Variants in CCSER1 observed in about 807,000 individuals in gnomAD.
CCSER1 encodes coiled-coil serine rich protein 1, also known as serine-rich coiled-coil domain-containing protein 1.
A neutral mutation model predicts 82.0 loss-of-function variants in CCSER1; 41 were observed. The ratio of observed to expected loss-of-function variants is 0.50; its 90% confidence interval spans 0.39 to 0.65. CCSER1 has a LOEUF of 0.65. CCSER1 is among the 30% of genes least tolerant of loss of function. CCSER1 has a pLI of 0.00. For synonymous variants in CCSER1, 414 were observed against 383.9 expected (o/e 1.08, Z -0.92); for missense variants, 1,119 against 1,064.2 (o/e 1.05, Z -0.72).
At chr4:91,279,335 AT>A (rs535760730) in intron 10 of CCSER1, among the ~76,000 whole-genome samples, 300 of 152,134 alleles carry the variant, frequency 2.0e-3, no homozygotes, top group South Asian at 3.5e-3. Flanking sequence ...TGTGTTTTGT[AT>A]TCCTTTTATT....
chr4:90,932,781 T>G (rs1294590563), intron 9 of CCSER1, among the ~76,000 whole-genome samples: 1 of 140,438 alleles, frequency 7.1e-6, no homozygotes, highest in Non-Finnish European at 1.5e-5. Context: ...TGAGCCGAGA[T>G]TGTGCCACTG....
intron 10 of CCSER1, among the ~76,000 whole-genome samples, chr4:91,402,230 T>C (rs1560642837): frequency 6.6e-6 from 1 of 152,144 alleles, no homozygotes; most frequent in Non-Finnish European, 1.5e-5. Flanking sequence ...CTTTGCCCAG[T>C]TTTTGATGGG....
At chr4:90,453,635 C>T (rs1761783419) in intron 4 of CCSER1, among the ~76,000 whole-genome samples, 1 of 152,112 alleles carries the variant, frequency 6.6e-6, no homozygotes, top group African/African-American at 2.4e-5. Context: ...TGTCCTGGAG[C>T]CATAAAGATA....
chr4:90,558,988 T>G (rs569194660), intron 5 of CCSER1, among the ~76,000 whole-genome samples: 1 of 152,272 alleles, frequency 6.6e-6, no homozygotes, highest in East Asian at 1.9e-4. Context: ...AGGTCTGCTG[T>G]AAGCAATTTT....
At chr4:91,145,660 T>G (rs553117173) in intron 10 of CCSER1, among the ~76,000 whole-genome samples, 1 of 152,276 alleles carries the variant, frequency 6.6e-6, no homozygotes, top group East Asian at 1.9e-4. Flanking sequence ...TAATAGACTC[T>G]CTTATTGCTT....
chr4:90,591,209 A>G (rs550549791), intron 5 of CCSER1, among the ~76,000 whole-genome samples: 2 of 152,208 alleles, frequency 1.3e-5, no homozygotes, highest in East Asian at 3.9e-4. Flanking sequence ...GGGTTTTCTA[A>G]ATATCCAATC....
At chr4:90,891,037 TG>T (rs1722887959) in intron 8 of CCSER1, among the ~76,000 whole-genome samples, 1 of 152,258 alleles carries the variant, frequency 6.6e-6, no homozygotes, top group South Asian at 2.1e-4. Context: ...TGTAGATTCT[TG>T]GCATCTGTGA....
chr4:91,061,832 C>T (rs150964896), intron 9 of CCSER1, among the ~76,000 whole-genome samples: 35 of 151,948 alleles, frequency 2.3e-4, no homozygotes, highest in Admixed American at 1.6e-3. Flanking sequence ...ACAGCATAGA[C>T]AAGTCCCTAG....
intron 5 of CCSER1, among the ~76,000 whole-genome samples, chr4:90,502,341 G>A (rs1170421745): frequency 2.6e-5 from 4 of 152,098 alleles, no homozygotes; most frequent in Non-Finnish European, 5.9e-5. Context: ...TAAACAATCA[G>A]ATCTCTTGAG....
At chr4:90,893,781 G>T (rs1424980761) in intron 8 of CCSER1, among the ~76,000 whole-genome samples, 1 of 125,854 alleles carries the variant, frequency 7.9e-6, no homozygotes, top group African/African-American at 2.9e-5. Flanking sequence ...GTGTGCGTGT[G>T]TGTGTGTGTG....
intron 6 of CCSER1, among the ~76,000 whole-genome samples, chr4:90,665,691 G>A (rs1324260051): frequency 6.6e-6 from 1 of 152,174 alleles, no homozygotes; most frequent in Non-Finnish European, 1.5e-5. Context: ...AAGGCACTGA[G>A]GCAAGAGTTT....
intron 10 of CCSER1, among the ~76,000 whole-genome samples, chr4:91,445,938 G>A (rs998665921): frequency 6.6e-6 from 1 of 151,884 alleles, no homozygotes; most frequent in African/African-American, 2.4e-5. Context: ...ATTTAGAATA[G>A]AATTGATTCT....
rs543664842 is a variant in CCSER1 at position 90,452,185 on chromosome 4, C to A, written c.1604-16049C>A. ...GGAACTTCTGTCTGTAATGAGAGTC[C>A]AGTCCAGGTTCTCTAAGGGGGTTTT... On this transcript the variant is annotated intron_variant, in intron 4 of 10. Coordinates refer to ENST00000509176, the MANE Select transcript of CCSER1 (RefSeq NM_001145065.2). Among the ~76,000 whole-genome samples the A allele has an allele frequency of 8.7e-4, 132 of 152,212 alleles. 2 individuals carry two copies. In the South Asian group the frequency reaches 0.025, roughly 29 times the overall value.
At chr4:90,403,768 T>C (rs1316930430) in intron 4 of CCSER1, among the ~76,000 whole-genome samples, 1 of 152,182 alleles carries the variant, frequency 6.6e-6, no homozygotes, top group East Asian at 1.9e-4. Context: ...TATGGTAGTT[T>C]ATAGTAGGGC....
intron 7 of CCSER1, among the ~76,000 whole-genome samples, chr4:90,803,339 T>A (rs1167810334): frequency 6.6e-6 from 1 of 151,760 alleles, no homozygotes; most frequent in East Asian, 1.9e-4. Flanking sequence ...TTTAGGTATT[T>A]CTCTAATGTT....
At chr4:91,425,399 A>C (rs1753911468) in intron 10 of CCSER1, among the ~76,000 whole-genome samples, 1 of 152,150 alleles carries the variant, frequency 6.6e-6, no homozygotes, top group African/African-American at 2.4e-5. Context: ...GAATATTATA[A>C]TTACACGTTC....
intron 8 of CCSER1, among the ~76,000 whole-genome samples, chr4:90,892,679 A>G (rs1723127651): frequency 6.6e-6 from 1 of 152,024 alleles, no homozygotes; most frequent in African/African-American, 2.4e-5. Context: ...GGTGTTTAAC[A>G]GTTATGTAGG....
chr4:90,883,762 C>T (rs1264883342), intron 8 of CCSER1, among the ~76,000 whole-genome samples: 2 of 152,086 alleles, frequency 1.3e-5, no homozygotes, highest in Non-Finnish European at 1.5e-5. Flanking sequence ...TTTGAAGCCA[C>T]TTCCTCTTTC....
intron 3 of CCSER1, among the ~76,000 whole-genome samples, chr4:90,378,092 A>G (rs566542456): frequency 6.6e-6 from 1 of 152,268 alleles, no homozygotes; most frequent in South Asian, 2.1e-4. Flanking sequence ...TATTTATTGA[A>G]CAATGCTTTT....
Sources: gnomAD v4.1 joint callset for allele counts (sites outside exome capture counted in the v4.1 genomes callset) on GRCh38, gnomAD v4.1.1 for gene constraint, MANE v1.5 for transcripts, NCBI Gene and HGNC (gene_info 2026-07-23, HGNC 2026-07-21) for gene names.